The following RBFOX1 variants were observed in gnomAD, a reference collection of about 807,000 sequenced individuals.
The protein encoded by RBFOX1 is RNA binding protein fox-1 homolog 1.
Under a neutral mutation model 57.7 loss-of-function variants are expected in RBFOX1, and 8 were observed. The ratio of observed to expected loss-of-function variants is 0.14; its 90% CI spans 0.08 to 0.25. RBFOX1 has a LOEUF of 0.25. Among genes scored for constraint, RBFOX1 ranks in the 10% least tolerant of loss-of-function variants. The pLI is 1.00. For missense variants in RBFOX1, 611 were observed against 548.5 expected, an observed-to-expected ratio of 1.11 and a Z score of -1.14; for synonymous variants, 326 against 222.4, an observed-to-expected ratio of 1.47 and a Z score of -4.15.
At chr16:7,546,909 A>G (rs973377999) in intron 5 of RBFOX1, among the ~76,000 whole-genome samples, 3 of 152,222 alleles carry the variant, frequency 2.0e-5, no homozygotes, top group Non-Finnish European at 2.9e-5. Context: ...AATTCCCACA[A>G]GTAGAACTTC....
chr16:5,361,631 G>A (rs987342463), intron 1 of RBFOX1, among the ~76,000 whole-genome samples: 1 of 152,172 alleles, frequency 6.6e-6, no homozygotes, highest in African/African-American at 2.4e-5. Context: ...GATTGCAAAC[G>A]TTGCAAGCCC....
intron 1 of RBFOX1, among the ~76,000 whole-genome samples, chr16:6,031,847 T>C (rs570008104): frequency 1.3e-5 from 2 of 152,144 alleles, no homozygotes; most frequent in African/African-American, 2.4e-5. Context: ...TTTCTGTTTG[T>C]ATGGTACATT....
At chr16:7,165,506 C>T (rs368607114) in intron 4 of RBFOX1, among the ~76,000 whole-genome samples, 4 of 151,432 alleles carry the variant, frequency 2.6e-5, no homozygotes, top group Admixed American at 6.6e-5. Flanking sequence ...CTCGGCTCAC[C>T]GCACCCTCCA....
chr16:6,829,497 A>C (rs28533268), intron 3 of RBFOX1, among the ~76,000 whole-genome samples: 7 of 150,172 alleles, frequency 4.7e-5, no homozygotes, highest in South Asian at 4.2e-4. Context: ...AAAAAAAAAC[A>C]AAAAAACGTT....
At chr16:5,347,114 G>C (rs528329555) in intron 1 of RBFOX1, among the ~76,000 whole-genome samples, 4 of 152,018 alleles carry the variant, frequency 2.6e-5, no homozygotes, top group African/African-American at 9.7e-5. Flanking sequence ...TCCCAATGTT[G>C]CTCATCCTCC....
chr16:7,251,389 G>A (rs1323610058), intron 4 of RBFOX1, among the ~76,000 whole-genome samples: 1 of 149,416 alleles, frequency 6.7e-6, no homozygotes, highest in Non-Finnish European at 1.5e-5. Flanking sequence ...TGTAGATACA[G>A]AGCATACTTC....
chr16:6,800,895 C>G (rs1028804288), intron 3 of RBFOX1, among the ~76,000 whole-genome samples: 2 of 152,070 alleles, frequency 1.3e-5, no homozygotes, highest in African/African-American at 4.8e-5. Flanking sequence ...TAATTCACTT[C>G]AAGTGGAAAT....
At chr16:7,501,460 A>G (rs570699473) in intron 4 of RBFOX1, among the ~76,000 whole-genome samples, 97 of 152,280 alleles carry the variant, frequency 6.4e-4, no homozygotes, top group Middle Eastern at 3.4e-3. Flanking sequence ...TGCCATTCCA[A>G]TAGTGCTGGG....
At chr16:7,525,053 C>A (rs1215698031) in intron 5 of RBFOX1, among the ~76,000 whole-genome samples, 4 of 152,198 alleles carry the variant, frequency 2.6e-5, no homozygotes, top group African/African-American at 9.6e-5. Context: ...TTACTAATAC[C>A]TTATATTTCC....
chr16:7,222,759 A>G (rs182780741), intron 4 of RBFOX1, among the ~76,000 whole-genome samples: 6 of 152,322 alleles, frequency 3.9e-5, no homozygotes, highest in Admixed American at 3.9e-4. Flanking sequence ...AATCATTATC[A>G]AAGTGGTAAG....
At chr16:5,800,734 G>T (rs762708983) in intron 3 of RBFOX1, among the ~76,000 whole-genome samples, 7 of 152,314 alleles carry the variant, frequency 4.6e-5, no homozygotes, top group African/African-American at 1.7e-4. Flanking sequence ...TCTGTCCTCA[G>T]TTGCTTCTCA....
chr16:6,949,238 C>T (rs1402377251), intron 3 of RBFOX1, among the ~76,000 whole-genome samples: 1 of 151,960 alleles, frequency 6.6e-6, no homozygotes, highest in Non-Finnish European at 1.5e-5. Flanking sequence ...CTATAAAAAG[C>T]ACCTTCATCA....
intron 4 of RBFOX1, among the ~76,000 whole-genome samples, chr16:5,953,427 G>T (rs1399475327): frequency 6.6e-6 from 1 of 152,038 alleles, no homozygotes; most frequent in African/African-American, 2.4e-5. Context: ...GTGAGATTTT[G>T]GTACATCTAT....
intron 1 of RBFOX1, among the ~76,000 whole-genome samples, chr16:5,280,792 T>G (rs2063252471): frequency 6.6e-6 from 1 of 152,040 alleles, no homozygotes; most frequent in Non-Finnish European, 1.5e-5. Context: ...CCTTTTTCAT[T>G]TCTGATTGTA....
intron 2 of RBFOX1, among the ~76,000 whole-genome samples, chr16:6,540,906 C>G (rs1209687871): frequency 6.6e-6 from 1 of 152,096 alleles, no homozygotes; most frequent in Non-Finnish European, 1.5e-5. Context: ...TGTCGTTTCT[C>G]TGACTTCTTG....
intron 4 of RBFOX1, among the ~76,000 whole-genome samples, chr16:7,185,120 T>A (rs752581749): frequency 1.3e-5 from 2 of 152,160 alleles, no homozygotes; most frequent in African/African-American, 4.8e-5. Context: ...CAGTGGGGTA[T>A]TATGGAAGAG....
At chr16:6,445,476 G>C (rs1597350919) in intron 2 of RBFOX1, among the ~76,000 whole-genome samples, 1 of 151,216 alleles carries the variant, frequency 6.6e-6, no homozygotes, top group Non-Finnish European at 1.5e-5. Flanking sequence ...ATTATAGTCA[G>C]TTCCTGCAAA....
At chr16:7,197,528 A>C (rs1395914354) in intron 4 of RBFOX1, among the ~76,000 whole-genome samples, 1 of 152,192 alleles carries the variant, frequency 6.6e-6, no homozygotes, top group Non-Finnish European at 1.5e-5. Flanking sequence ...GCCTTAAAAA[A>C]AGTTAAACAT....
chr16:7,064,258 T>A (rs1451398973), intron 4 of RBFOX1, among the ~76,000 whole-genome samples: 2 of 138,958 alleles, frequency 1.4e-5, no homozygotes, highest in Non-Finnish European at 3.0e-5. Context: ...AACTTCCGCC[T>A]CCCAGGTTCA....
Sources: allele counts gnomAD v4.1 joint callset (sites outside exome capture counted in the v4.1 genomes callset), GRCh38; gene constraint gnomAD v4.1.1; transcripts MANE v1.5; gene names NCBI Gene and HGNC (gene_info 2026-07-23, HGNC 2026-07-21).